Variants in KIAA1671 observed in about 807,000 individuals in gnomAD.
KIAA1671 encodes the protein KIAA1671, also known as uncharacterized protein KIAA1671.
A neutral mutation model predicts 131.2 loss-of-function variants in KIAA1671; 52 were observed. The ratio of observed to expected loss-of-function variants is 0.40; its 90% CI spans 0.32 to 0.50. KIAA1671 has a LOEUF of 0.50. Ranked by LOEUF, KIAA1671 falls within the 20% of genes least tolerant of loss-of-function variation. KIAA1671 has a pLI of 0.73. For missense variants in KIAA1671, 2,360 were observed against 2,364.2 expected, an observed-to-expected ratio of 1.00 and a Z score of 0.04; for synonymous variants, 1,003 against 961.6, an observed-to-expected ratio of 1.04 and a Z score of -0.80.
At chr22:25,148,439 G>A (rs1164496988) in intron 6 of KIAA1671, among the ~76,000 whole-genome samples, 2 of 152,192 alleles carry the variant, frequency 1.3e-5, no homozygotes, top group Admixed American at 1.3e-4. Flanking sequence ...AGGAGAGTGT[G>A]CTCCCTGGGC....
chr22:25,105,553 G>A (rs1930955502), intron 6 of KIAA1671, among the ~76,000 whole-genome samples: 1 of 152,194 alleles, frequency 6.6e-6, no homozygotes, highest in Admixed American at 6.5e-5. Flanking sequence ...TCCTCTGGGG[G>A]GGAAAATGCT....
At position 25,170,870 on chromosome 22, in the gene KIAA1671, T is replaced by C. The variant is rs1933822843; in HGVS notation, c.4581T>C (p.Thr1527=). Residue 1527 remains threonine, a synonymous_variant, in exon 7 of 13, where the codon ACT becomes ACC. Coordinates refer to ENST00000358431, the MANE Select transcript of KIAA1671 (RefSeq NM_001145206.2). ...GGCAGCCCACTGAACCCAAGGACAC[T>C]GACACCCTCGTGCACGAAGCCGGCA... ...FSRQPTEPKD[T]DTLVHEAGSQ... The C allele has an allele frequency of 6.4e-7, 1 of 1,551,652 alleles. No individual in the cohort carries two copies. Among genetic ancestry groups the C allele is most frequent in the South Asian group, 1.2e-5 (1 of 84,054 alleles).
chr22:25,063,086 G>C (rs926829771), intron 6 of KIAA1671: 2 of 152,008 alleles, frequency 1.3e-5, no homozygotes, highest in Admixed American at 6.6e-5. Context: ...CCCAAGAGAG[G>C]GTTCTCGGAT....
chr22:25,020,048 C>T (rs1027900518), intron 1 of KIAA1671, among the ~76,000 whole-genome samples: 1 of 152,092 alleles, frequency 6.6e-6, no homozygotes, highest in Non-Finnish European at 1.5e-5. Flanking sequence ...TGGATTACTT[C>T]CAGAGGATAC....
intron 6 of KIAA1671, chr22:25,052,013 A>C (rs1927558431): frequency 6.6e-6 from 1 of 152,280 alleles, no homozygotes. Flanking sequence ...GCCCAAGGCC[A>C]CACAGCTGCT....
intron 9 of KIAA1671, among the ~76,000 whole-genome samples, chr22:25,180,076 T>C (rs980145840): frequency 4.1e-5 from 3 of 73,594 alleles, no homozygotes; most frequent in Non-Finnish European, 9.4e-5. Flanking sequence ...GCCCTTGGGC[T>C]ACCCGAGGAA....
intron 1 of KIAA1671, among the ~76,000 whole-genome samples, chr22:25,007,655 G>A (rs778929762): frequency 4.6e-5 from 7 of 152,070 alleles, no homozygotes; most frequent in South Asian, 2.1e-4. Context: ...TCAGTTTATC[G>A]TTGCCATGGC....
At position 25,093,824 on chromosome 22, in the gene KIAA1671, TTCTCTCTCTGTCTGTCTCTCTC is replaced by T. The variant is rs1930242981; in HGVS notation, c.4530+44470_4530+44491del. On this transcript the variant is annotated intron_variant, in intron 6 of 12. Coordinates refer to ENST00000358431, the MANE Select transcript of KIAA1671 (RefSeq NM_001145206.2). ...TCTCTCTCTCTCTGTCTCTCTCTCT[TTCTCTCTCTGTCTGTCTCTCTC>T]TCTCTCTCTCTCTCTCTCTCTCTCT... is the stretch of plus-strand genomic sequence containing the variant. 1.3e-3 allele frequency among the ~76,000 whole-genome samples: 28 copies of T among 21,946 alleles called. 4 individuals are homozygous for T. The highest frequency in any genetic ancestry group is 6.6e-3 in the African/African-American group (24 of 3,634). 14.4% of individuals were successfully genotyped at this position (21,946 alleles called of 152,430 possible).
rs530421812 is a variant in KIAA1671 at position 25,157,988 on chromosome 22, A to C, written c.4531-12832A>C. 3.3e-5 allele frequency among the ~76,000 whole-genome samples: 5 copies of C among 151,922 alleles called. No homozygotes were observed. The East Asian group carries it at 7.7e-4, about 24-fold the overall frequency. The stretch of plus-strand genomic sequence containing the variant: ...AGGTACCCACCACCACGCCCGGCTA[A>C]TTTTTTGTATTTTTACTAGAGATGG... On this transcript the variant is annotated intron_variant, in intron 6 of 12. Coordinates refer to ENST00000358431, the MANE Select transcript of KIAA1671 (RefSeq NM_001145206.2).
intron 11 of KIAA1671, chr22:25,185,738 G>C (rs1193405327): frequency 6.6e-6 from 1 of 152,290 alleles, no homozygotes; most frequent in Non-Finnish European, 1.5e-5. Context: ...TGCTGCTTAA[G>C]AGCTGCATGA....
chr22:24,974,803 C>T (rs1922831923), intron 1 of KIAA1671, among the ~76,000 whole-genome samples: 1 of 150,462 alleles, frequency 6.6e-6, no homozygotes, highest in African/African-American at 2.5e-5. Context: ...AGCAATTCTC[C>T]TGTCTCAGCC....
At chr22:24,983,815 G>A (rs112799469) in intron 1 of KIAA1671, among the ~76,000 whole-genome samples, 4,700 of 133,518 alleles carry the variant, frequency 0.035, 277 homozygotes, top group African/African-American at 0.12. Context: ...TTTCACTCTT[G>A]TTGCCCAGGC....
In KIAA1671 at chr22:25,093,880, CT is replaced by C. The variant is rs1930270071; in HGVS notation, c.4530+44517del. ...TCTCTCTCTCTCTCTCTCTCTCTCT[CT>C]CTCTCCCTTCTGCTTCTGCTTCTGC... On this transcript the variant is annotated intron_variant, in intron 6 of 12. Coordinates refer to ENST00000358431, the MANE Select transcript of KIAA1671 (RefSeq NM_001145206.2). 2.5e-5 allele frequency among the ~76,000 whole-genome samples: 3 copies of C among 122,214 alleles called. No individual in the cohort carries two copies. The East Asian group carries it at 7.2e-4, about 29-fold the overall frequency. The allele number at this position is 122,214 out of a possible 152,430, so 80.2% of individuals were successfully genotyped here.
intron 1 of KIAA1671, among the ~76,000 whole-genome samples, chr22:24,965,740 C>CAAAAA (rs767916092): frequency 3.5e-3 from 153 of 44,036 alleles, no homozygotes; most frequent in Middle Eastern, 0.024. Flanking sequence ...AACTCCATCT[C>CAAAAA]AAAAAAAAAA....
chr22:25,029,560 A>T lies in KIAA1671; in HGVS notation c.1541+20A>T, dbSNP rs373166060. 1,666 of 1,487,978 alleles carry T rather than the reference A, an allele frequency of 1.1e-3. 14 individuals are homozygous for T. In the African/African-American group the frequency reaches 0.02, roughly 18 times the overall value. 92.2% of individuals were successfully genotyped at this position (1,487,978 alleles called of 1,614,324 possible). A position where few individuals can be genotyped will look rare whatever the true frequency, so the allele number is the denominator to read the frequency against. Reference sequence around the variant, plus strand: ...CAAATTGTAAGTAGGCACATCCCACACCCCTCTCTCAGCCGCCCACCCACA... The same window carrying T: ...CAAATTGTAAGTAGGCACATCCCACTCCCCTCTCTCAGCCGCCCACCCACA... On this transcript the variant is annotated intron_variant, in intron 3 of 12. Transcript: ENST00000358431.
chr22:25,158,584 G>C (rs78302760), intron 6 of KIAA1671, among the ~76,000 whole-genome samples: 327 of 152,224 alleles, frequency 2.1e-3, no homozygotes, highest in Non-Finnish European at 3.8e-3. Context: ...ACAGACCCCG[G>C]GCCATACTGC....
intron 11 of KIAA1671, chr22:25,185,719 T>TTCCA (rs1353414699): frequency 6.6e-6 from 1 of 152,292 alleles, no homozygotes; most frequent in Non-Finnish European, 1.5e-5. Context: ...CAGGGTTTAA[T>TTCCA]TCCACCATTG....
intron 1 of KIAA1671, among the ~76,000 whole-genome samples, chr22:24,970,025 A>T (rs1230710725): frequency 6.6e-6 from 1 of 152,184 alleles, no homozygotes; most frequent in East Asian, 1.9e-4. Context: ...AGTTTGACTC[A>T]CACAAAGCAC....
At chr22:25,169,881 C>T (rs1174315892) in intron 6 of KIAA1671, among the ~76,000 whole-genome samples, 2 of 152,180 alleles carry the variant, frequency 1.3e-5, no homozygotes, top group Admixed American at 6.5e-5. Flanking sequence ...AATTCCACTT[C>T]GCTGGCTGTT....
Sources: gnomAD v4.1 joint callset for allele counts (sites outside exome capture counted in the v4.1 genomes callset) on GRCh38, gnomAD v4.1.1 for gene constraint, MANE v1.5 for transcripts, NCBI Gene and HGNC (gene_info 2026-07-23, HGNC 2026-07-21) for gene names.